Variants in CEP120 observed in about 807,000 individuals in gnomAD.
CEP120 encodes centrosomal protein of 120 kDa.
Under a neutral mutation model 126.5 loss-of-function variants are expected in CEP120, and 113 were observed. The ratio of observed to expected loss-of-function variants is 0.89; its 90% CI spans 0.77 to 1.04. CEP120 has a LOEUF of 1.04. CEP120 is among the 50% of genes least tolerant of loss of function. The pLI is 0.00. For missense variants in CEP120, 1,230 were observed against 1,155.7 expected (o/e 1.06, Z -0.93); for synonymous variants, 400 against 394.3 (o/e 1.01, Z -0.17).
In CEP120 at chr5:123,392,363, C is replaced by A. The variant is rs1772461298; in HGVS notation, c.810+937G>T. ...GAATCATCTCTAAAATTTAGTTCTA[C>A]TAAAATTTCCTAATGCTTCTTCTCA... On this transcript the variant is annotated intron_variant, in intron 6 of 19. Transcript: ENST00000306467. Among the ~76,000 whole-genome samples the A allele has an allele frequency of 2.6e-5, 4 of 152,154 alleles. No homozygotes were observed. The South Asian group carries it at 8.3e-4, about 32-fold the overall frequency.
At position 123,412,497 on chromosome 5, in the gene CEP120, A is replaced by C. The variant is rs951642646; in HGVS notation, c.365T>G (p.Phe122Cys). Reference protein sequence around the residue: ...YQLLSNKYTKFKSEIQISIAL... With the variant: ...YQLLSNKYTKCKSEIQISIAL... ...AATACTTATCTGTATCTCAGACTTG[A>C]ATTTGGTGTATTTATTACTCAGCAA... is the stretch of plus-strand genomic sequence containing the variant. The change falls in exon 4 of 20, where the codon TTC becomes TGC. Residue 122 changes from phenylalanine (F) to cysteine (C), a missense_variant. Coordinates refer to ENST00000306467, the MANE Select transcript of CEP120 (RefSeq NM_001375405.1). 1.9e-6 allele frequency: 3 copies of C among 1,611,490 alleles called. No homozygotes were observed. The highest frequency in any genetic ancestry group is 2.5e-6 in the Non-Finnish European group (3 of 1,178,806).
intron 14 of CEP120, among the ~76,000 whole-genome samples, chr5:123,380,541 A>G (rs1327190490): frequency 6.6e-6 from 1 of 152,148 alleles, no homozygotes; most frequent in Non-Finnish European, 1.5e-5. Flanking sequence ...TGAAAAGATC[A>G]TTATTACCAA....
intron 18 of CEP120, among the ~76,000 whole-genome samples, chr5:123,351,421 T>C (rs916829921): frequency 2.0e-5 from 3 of 152,174 alleles, no homozygotes; most frequent in African/African-American, 7.2e-5. Flanking sequence ...CTGAAGGACA[T>C]TGGGCAGTTT....
intron 18 of CEP120, among the ~76,000 whole-genome samples, chr5:123,363,587 T>C (rs1770244857): frequency 6.6e-6 from 1 of 151,578 alleles, no homozygotes; most frequent in Non-Finnish European, 1.5e-5. Flanking sequence ...CCTGTCTTCA[T>C]TTGTAATGCT....
In CEP120 at chr5:123,416,013, C is replaced by T. The variant is rs368122013; in HGVS notation, c.318G>A (p.Lys106=). Residue 106 remains lysine, a synonymous_variant, in exon 3 of 20, where the codon AAG becomes AAA. Transcript: ENST00000306467. ...CAAAACATCAAAAGGGCAATACCTG[C>T]TTTGTTTCTTGAGCGGTTCTTAAAT... ...VLDLRTAQET[K]QAPKWYQLLS... The T allele has an allele frequency of 2.5e-6, 4 of 1,604,782 alleles. No homozygotes were observed. The highest frequency in any genetic ancestry group is 1.1e-5 in the South Asian group (1 of 90,626).
Position 123,382,872 on chromosome 5 carries a change from C to A in CEP120, c.1878G>T (p.Gln626His), listed in dbSNP as rs1427214273. 2.5e-6 allele frequency: 4 copies of A among 1,613,286 alleles called. No homozygotes were observed. The highest frequency in any genetic ancestry group is 1.7e-4 in the Middle Eastern group (1 of 6,048). The change falls in exon 13 of 20, where the codon CAG becomes CAT. Residue 626 changes from glutamine to histidine, a missense_variant. Transcript: ENST00000306467. ...CTGGAGGAAGAGAAGACGGCTTTTGCTGTACGGCAGATACACCCTAAGAGA... is the reference window on the plus strand; with the variant it reads ...CTGGAGGAAGAGAAGACGGCTTTTGATGTACGGCAGATACACCCTAAGAGA... The part of the protein sequence containing the change: ...SDSSQGVSAV[Q>H]QKPSSLPPAP...
chr5:123,381,885 T>C (rs1303899593), intron 14 of CEP120, among the ~76,000 whole-genome samples: 1 of 151,996 alleles, frequency 6.6e-6, no homozygotes, highest in African/African-American at 2.4e-5. Context: ...ACCTGGCCTA[T>C]ATTATATATT....
At chr5:123,402,907 T>C (rs1773361603) in intron 4 of CEP120, among the ~76,000 whole-genome samples, 1 of 152,180 alleles carries the variant, frequency 6.6e-6, no homozygotes, top group Admixed American at 6.5e-5. Flanking sequence ...AAAGGCTTGG[T>C]GGAGAGAGTT....
At position 123,364,548 on chromosome 5, in the gene CEP120, T is replaced by A. The variant is rs951850572; in HGVS notation, c.2528A>T (p.His843Leu). ...AGCTCGTCCCCACTGCTGCTTGTAA[T>A]GCAGTTTAGACTTAGTTGCAGATTC... Reference protein sequence around the residue: ...KLESATKSKLHYKQQWGRALK... With the variant: ...KLESATKSKLLYKQQWGRALK... Residue 843 changes from histidine (H) to leucine (L), a missense_variant, in exon 18 of 20, where the codon CAT becomes CTT. Coordinates refer to ENST00000306467, the MANE Select transcript of CEP120 (RefSeq NM_001375405.1). 1.2e-6 allele frequency: 2 copies of A among 1,607,342 alleles called. No homozygotes were observed. The highest frequency in any genetic ancestry group is 2.7e-5 in the African/African-American group (2 of 74,584).
At chr5:123,389,090 G>T (rs1014544241) in intron 8 of CEP120, among the ~76,000 whole-genome samples, 1 of 152,152 alleles carries the variant, frequency 6.6e-6, no homozygotes, top group East Asian at 1.9e-4. Flanking sequence ...GTGAGTGGCC[G>T]AAGTCACACA....
At position 123,349,068 on chromosome 5, in the gene CEP120, C is replaced by T. The variant is rs192950191; in HGVS notation, c.2726+876G>A. Among the ~76,000 whole-genome samples, 369 of 152,138 alleles carry T rather than the reference C, an allele frequency of 2.4e-3. 4 individuals carry two copies. The highest frequency in any genetic ancestry group is 8.5e-3 in the African/African-American group (353 of 41,512). ...AAGCTAAGAAGTCTTCCCCCAAAACCACCCTCCAAAAAGACTAGAATTCAT... is the reference window on the plus strand; with the variant it reads ...AAGCTAAGAAGTCTTCCCCCAAAACTACCCTCCAAAAAGACTAGAATTCAT... On this transcript the variant is annotated intron_variant, in intron 19 of 19. Transcript: ENST00000306467.
intron 18 of CEP120, among the ~76,000 whole-genome samples, chr5:123,362,907 C>G (rs1163845450): frequency 2.0e-5 from 3 of 151,560 alleles, no homozygotes; most frequent in Non-Finnish European, 4.4e-5. Flanking sequence ...AATCCTATCT[C>G]CTTCCCACCC....
chr5:123,372,314 T>C (rs1321502058), intron 17 of CEP120, among the ~76,000 whole-genome samples: 10 of 152,076 alleles, frequency 6.6e-5, no homozygotes, highest in Non-Finnish European at 1.3e-4. Context: ...AGTAGACTGT[T>C]TTCTGACAGG....
rs565672347 is a variant in CEP120 at position 123,378,306 on chromosome 5, G to GA, written c.2196+29dup. On this transcript the variant is annotated intron_variant, in intron 15 of 19. Coordinates refer to ENST00000306467, the MANE Select transcript of CEP120 (RefSeq NM_001375405.1). Reference sequence around the variant, plus strand: ...ACTTTGCAATAAACCCCTCTATGCTGAAAAAAAATACAATGGACGAATGAC... The same window carrying GA: ...ACTTTGCAATAAACCCCTCTATGCTGAAAAAAAAATACAATGGACGAATGAC... 1.1e-4 allele frequency: 171 copies of GA among 1,531,382 alleles called. No homozygotes were observed. The African/African-American group carries it at 1.2e-3, about 11-fold the overall frequency. The allele number at this position is 1,531,382 out of a possible 1,614,324, so 94.9% of individuals were successfully genotyped here. A position where few individuals can be genotyped will look rare whatever the true frequency, so the allele number is the denominator to read the frequency against.
intron 4 of CEP120, among the ~76,000 whole-genome samples, chr5:123,406,235 C>T (rs750533663): frequency 1.5e-4 from 22 of 149,564 alleles, no homozygotes; most frequent in Admixed American, 6.0e-4. Context: ...TAACTAAAAA[C>T]GGTGTAATAA....
intron 11 of CEP120, 114 bp downstream of exon 11, chr5:123,384,837 G>T: frequency 1.2e-6 from 1 of 856,624 alleles, no homozygotes; most frequent in Non-Finnish European, 1.8e-6. Flanking sequence ...ATGAAAGGGT[G>T]AAGTGGTGGA....
chr5:123,394,842 CA>C (rs1295357961), intron 5 of CEP120, among the ~76,000 whole-genome samples: 1 of 152,206 alleles, frequency 6.6e-6, no homozygotes, highest in Non-Finnish European at 1.5e-5. Flanking sequence ...AGTCAGATCC[CA>C]AACCCTAACT....
rs376358503 is a variant in CEP120, at chr5:123,383,088, A to G, written c.1764-6T>C. ...CTGCTATCCTGTTATTTGATCTACA[A>G]ATAAAATAAGAAATACCTTAAAATT... is the stretch of plus-strand genomic sequence containing the variant. On this transcript the variant is annotated splice_region_variant and splice_polypyrimidine_tract_variant and intron_variant, in intron 11 of 19. Transcript: ENST00000306467. The G allele has an allele frequency of 2.0e-4, 284 of 1,393,364 alleles. No individual in the cohort carries two copies. In the African/African-American group the frequency reaches 3.3e-3, roughly 16 times the overall value. 86.3% of individuals were successfully genotyped at this position (1,393,364 alleles called of 1,614,324 possible).
chr5:123,382,829 T>C lies in CEP120; in HGVS notation c.1921A>G (p.Ile641Val), dbSNP rs756882176. ...SLPPAPCPSEIQTEPRETLEY... is the reference protein window; with the variant it reads ...SLPPAPCPSEVQTEPRETLEY... ...AACGTTTCACGAGGCTCTGTCTGGA[T>C]CTCTGAAGGACAAGGTGCTGGAGGA... The change falls in exon 13 of 20, where the codon ATC (isoleucine) becomes GTC (valine). Residue 641 changes from isoleucine (I) to valine (V), a missense_variant. Ile to Val is a conservative substitution (Grantham distance 29). Coordinates refer to ENST00000306467, the MANE Select transcript of CEP120 (RefSeq NM_001375405.1). 2 of 1,613,502 alleles carry C rather than the reference T, an allele frequency of 1.2e-6. No homozygotes were observed. Among genetic ancestry groups the C allele is most frequent in the South Asian group, 2.2e-5 (2 of 91,052 alleles).
Sources: allele counts gnomAD v4.1 joint callset (sites outside exome capture counted in the v4.1 genomes callset), GRCh38; gene constraint gnomAD v4.1.1; transcripts MANE v1.5; gene names NCBI Gene and HGNC (gene_info 2026-07-23, HGNC 2026-07-21).